MNS1: variants seen among roughly 807,000 people sequenced by gnomAD.
The protein encoded by MNS1 is meiosis-specific nuclear structural protein 1.
In MNS1, 63 loss-of-function variants were observed where a neutral mutation model predicts 72.0. That is an observed-to-expected ratio of 0.87 (90% CI 0.71 to 1.08). The LOEUF (loss-of-function observed/expected upper bound fraction) is 1.08, where lower values mean the gene tolerates loss of function less well. MNS1 is among the 50% of genes least tolerant of loss of function. The pLI, the probability that MNS1 is intolerant of heterozygous loss-of-function variation, is 0.00. For synonymous variants in MNS1, 188 were observed against 172.1 expected (o/e 1.09, Z -0.72); for missense variants, 604 against 562.4 (o/e 1.07, Z -0.75).
intron 9 of MNS1, 138 bp downstream of exon 9, chr15:56,431,235 C>G: frequency 1.1e-6 from 1 of 902,378 alleles, no homozygotes; most frequent in Non-Finnish European, 1.7e-6. Flanking sequence ...AGGTTCAGTG[C>G]CTGGACAGGA....
chr15:56,443,613 G>T, intron 6 of MNS1, 25 bp downstream of exon 6: 1 of 1,603,560 alleles, frequency 6.2e-7, no homozygotes. Context: ...TTTTACTAGT[G>T]TTAAAGAAGT....
At chr15:56,463,780 CAA>C (rs769290574) in intron 2 of MNS1, 6,296 of 338,928 alleles carry the variant, frequency 0.019, no homozygotes, top group South Asian at 0.03. Flanking sequence ...AGACTCCATC[CAA>C]AAAAAAAAAA....
chr15:56,464,020 A>G lies in MNS1; in HGVS notation c.225+6T>C, dbSNP rs2051040728. 3 of 1,600,848 alleles carry G rather than the reference A, an allele frequency of 1.9e-6. No individual in the cohort carries two copies. Among genetic ancestry groups the G allele is most frequent in the Non-Finnish European group, 2.6e-6 (3 of 1,174,082 alleles). On this transcript the variant is annotated splice_donor_region_variant and intron_variant, in intron 2 of 9. Transcript: ENST00000260453. ...AAAAAAAGTAACAATGAATAGTAAA[A>G]CTTACCTTTTGAATGGCCTCTTCCA...
chr15:56,448,416 G>A (rs1317470935), intron 3 of MNS1, among the ~76,000 whole-genome samples: 1 of 152,128 alleles, frequency 6.6e-6, no homozygotes, highest in Non-Finnish European at 1.5e-5. Flanking sequence ...AGTTCACAGT[G>A]TCTGTTGTTC....
In MNS1 at chr15:56,428,773, AAAGTT is replaced by A; in HGVS notation, c.*323_*327del. The A allele has an allele frequency of 2.8e-6, 1 of 352,136 alleles. No individual in the cohort carries two copies. Among genetic ancestry groups the A allele is most frequent in the Non-Finnish European group, 5.1e-6 (1 of 195,854 alleles). The allele number at this position is 352,136 out of a possible 1,614,324, so 21.8% of individuals were successfully genotyped here. A position where few individuals can be genotyped will look rare whatever the true frequency, so the allele number is the denominator to read the frequency against. On this transcript the variant is annotated 3_prime_UTR_variant, in exon 10 of 10. Transcript: ENST00000260453. ...ATTTCCCTGGCTAAATCAAGTAAGTAAAGTTCGTAAACACAGACAGAAGGCAGTTC... is the reference window on the plus strand; with the variant it reads ...ATTTCCCTGGCTAAATCAAGTAAGTACGTAAACACAGACAGAAGGCAGTTC...
intron 5 of MNS1, 81 bp downstream of exon 5, chr15:56,444,363 G>A: frequency 8.4e-7 from 1 of 1,194,784 alleles, no homozygotes; most frequent in Non-Finnish European, 1.2e-6. Context: ...CACTGTTCTA[G>A]GTGCTTCAGT....
rs1479049004 is a variant in MNS1 at position 56,431,849 on chromosome 15, A to AAAAC, written c.1270-355_1270-352dup. Among the ~76,000 whole-genome samples, 8 of 152,090 alleles carry AAAAC rather than the reference A, an allele frequency of 5.3e-5. 1 individual carries two copies. Among genetic ancestry groups the AAAAC allele is most frequent in the Admixed American group, 5.2e-4 (8 of 15,262 alleles). The stretch of plus-strand genomic sequence containing the variant: ...CCAGATGCTGAAGAGTTTACAGTGT[A>AAAAC]AAACAAAAAATAGTGAATAAAGAAG... On this transcript the variant is annotated intron_variant, in intron 8 of 9. Transcript: ENST00000260453.
At chr15:56,442,007 G>A (rs913660818) in intron 7 of MNS1, among the ~76,000 whole-genome samples, 55 of 151,966 alleles carry the variant, frequency 3.6e-4, no homozygotes, top group Admixed American at 1.8e-3. Flanking sequence ...GCGACAGAGC[G>A]AGACTCCCAT....
intron 3 of MNS1, among the ~76,000 whole-genome samples, chr15:56,453,207 C>G (rs980265538): frequency 9.9e-5 from 15 of 151,908 alleles, no homozygotes; most frequent in African/African-American, 3.1e-4. Context: ...TTTTAATTCC[C>G]AAAAGACATA....
intron 7 of MNS1, among the ~76,000 whole-genome samples, chr15:56,436,646 C>CA (rs1460003602): frequency 4.6e-5 from 7 of 151,992 alleles, no homozygotes; most frequent in East Asian, 3.8e-4. Flanking sequence ...AAAAACCCTT[C>CA]AAAAAATCAG....
intron 7 of MNS1, among the ~76,000 whole-genome samples, chr15:56,437,931 G>A (rs2050755913): frequency 6.6e-6 from 1 of 152,110 alleles, no homozygotes; most frequent in Non-Finnish European, 1.5e-5. Flanking sequence ...CCTCTTCAAG[G>A]AGAACTGCAA....
chr15:56,441,846 CTA>C (rs2050819347), intron 7 of MNS1, among the ~76,000 whole-genome samples: 1 of 151,960 alleles, frequency 6.6e-6, no homozygotes, highest in Non-Finnish European at 1.5e-5. Flanking sequence ...AACCCCATCT[CTA>C]CTAAAAATAC....
chr15:56,449,611 C>T (rs998522502), intron 3 of MNS1, among the ~76,000 whole-genome samples: 1 of 152,052 alleles, frequency 6.6e-6, no homozygotes, highest in Non-Finnish European at 1.5e-5. Context: ...GAAGGGCTTC[C>T]TCTTTTTCTG....
intron 1 of MNS1, among the ~76,000 whole-genome samples, chr15:56,464,596 C>CACG (rs1489562426): frequency 6.6e-6 from 1 of 151,926 alleles, no homozygotes; most frequent in Admixed American, 6.6e-5. Context: ...CCACCACCAC[C>CACG]ACGACTACCA....
At chr15:56,438,682 G>T (rs1056951020) in intron 7 of MNS1, among the ~76,000 whole-genome samples, 6 of 152,116 alleles carry the variant, frequency 3.9e-5, no homozygotes, top group Non-Finnish European at 2.9e-5. Flanking sequence ...CACAGCAAAA[G>T]AAACTACCAT....
intron 3 of MNS1, among the ~76,000 whole-genome samples, chr15:56,451,871 T>G (rs541078495): frequency 2.6e-4 from 39 of 152,290 alleles, no homozygotes; most frequent in African/African-American, 9.1e-4. Flanking sequence ...ATATAAAGAT[T>G]GCCTAGATTT....
intron 4 of MNS1, chr15:56,445,918 C>A (rs180735242): frequency 6.6e-6 from 1 of 152,054 alleles, no homozygotes; most frequent in Non-Finnish European, 1.5e-5. Flanking sequence ...CAAAGGACAG[C>A]GCTATATGGC....
chr15:56,463,376 T>G (rs1451856654), intron 2 of MNS1, among the ~76,000 whole-genome samples: 1 of 152,094 alleles, frequency 6.6e-6, no homozygotes, highest in East Asian at 1.9e-4. Context: ...AAAATCTGAG[T>G]GCTTATTCTG....
chr15:56,446,949 T>TA lies in MNS1; in HGVS notation c.354-7dup. On this transcript the variant is annotated splice_polypyrimidine_tract_variant and splice_region_variant and intron_variant, in intron 3 of 9. Coordinates refer to ENST00000260453, the MANE Select transcript of MNS1 (RefSeq NM_018365.4). The stretch of plus-strand genomic sequence containing the variant: ...CCAATTCTCTAAGCTCAATGCTGTT[T>TA]AAAAAAACAAAAACAAATTTAAATG... 4 of 1,595,118 alleles carry TA rather than the reference T, an allele frequency of 2.5e-6. No homozygotes were observed. Among genetic ancestry groups the TA allele is most frequent in the African/African-American group, 1.3e-5 (1 of 74,616 alleles).
Sources: allele counts gnomAD v4.1 joint callset (sites outside exome capture counted in the v4.1 genomes callset), GRCh38; gene constraint gnomAD v4.1.1; transcripts MANE v1.5; gene names NCBI Gene and HGNC (gene_info 2026-07-23, HGNC 2026-07-21).